Variants in FBN1 observed in about 807,000 individuals in gnomAD.
FBN1 encodes fibrillin-1.
A neutral mutation model predicts 365.1 loss-of-function variants in FBN1; 29 were observed. That is an observed-to-expected ratio of 0.08 (90% CI 0.06 to 0.11). FBN1 has a LOEUF of 0.11. Among genes scored for constraint, FBN1 ranks in the 10% least tolerant of loss-of-function variants. FBN1 has a pLI of 1.00. For missense variants in FBN1, 2,476 were observed against 3,703.2 expected (o/e 0.67, Z 8.60); for synonymous variants, 1,210 against 1,270.5 (o/e 0.95, Z 1.01).
chr15:48,585,005 A>G (rs1180021014), intron 6 of FBN1, among the ~76,000 whole-genome samples: 2 of 152,252 alleles, frequency 1.3e-5, no homozygotes, highest in Non-Finnish European at 2.9e-5. Context: ...CACGAGTCTT[A>G]GTTTAAAGAA....
At chr15:48,596,404 C>G in intron 5 of FBN1, 26 bp from the exon 6 acceptor site, 2 of 1,595,980 alleles carry the variant, frequency 1.3e-6, no homozygotes, top group Non-Finnish European at 1.7e-6. Flanking sequence ...AGAGCTGAGA[C>G]GCTTTACCTG....
intron 18 of FBN1, among the ~76,000 whole-genome samples, chr15:48,497,929 T>C (rs530592994): frequency 6.6e-6 from 1 of 152,366 alleles, no homozygotes; most frequent in Admixed American, 6.5e-5. Context: ...TCTATGAACA[T>C]ATAATGCCCT....
At chr15:48,491,628 G>C (rs1394789494) in intron 24 of FBN1, among the ~76,000 whole-genome samples, 2 of 152,032 alleles carry the variant, frequency 1.3e-5, no homozygotes, top group African/African-American at 2.4e-5. Flanking sequence ...TGGGATTACA[G>C]GCGTGAGCCA....
chr15:48,538,992 G>A (rs1351919365), intron 6 of FBN1, among the ~76,000 whole-genome samples: 2 of 152,192 alleles, frequency 1.3e-5, no homozygotes, highest in African/African-American at 4.8e-5. Context: ...TCGCAGACAT[G>A]CTATTTACTA....
chr15:48,572,281 G>A (rs2044312017), intron 6 of FBN1, among the ~76,000 whole-genome samples: 1 of 152,138 alleles, frequency 6.6e-6, no homozygotes, highest in African/African-American at 2.4e-5. Flanking sequence ...GATTCTCAAT[G>A]CTGAAACTAC....
chr15:48,470,403 A>T (rs925967816), intron 36 of FBN1, among the ~76,000 whole-genome samples: 3 of 152,218 alleles, frequency 2.0e-5, no homozygotes, highest in African/African-American at 7.2e-5. Flanking sequence ...TGTAGCCACA[A>T]ACTCAATTTC....
intron 6 of FBN1, among the ~76,000 whole-genome samples, chr15:48,555,710 T>C (rs2044174545): frequency 6.6e-6 from 1 of 152,162 alleles, no homozygotes; most frequent in Non-Finnish European, 1.5e-5. Flanking sequence ...AGACACTCAA[T>C]ATATCTTTCT....
Position 48,513,569 on chromosome 15 carries a change from A to C in FBN1, c.1568T>G (p.Leu523Arg). 1.2e-6 allele frequency: 2 copies of C among 1,613,980 alleles called. No individual in the cohort carries two copies. ...CATACCTCGGCATTCTGTCCGCGTG[A>C]GTGTGCTCTGATATCCAGCTCGGCA... ...CQCRAGYQST[L>R]TRTECRDIDE... Residue 523 changes from leucine (L) to arginine (R), a missense_variant, in exon 13 of 66, where the codon CTC (leucine) becomes CGC (arginine). Coordinates refer to ENST00000316623, the MANE Select transcript of FBN1 (RefSeq NM_000138.5).
Position 48,606,892 on chromosome 15 carries a change from T to A in FBN1, c.346+3836A>T, listed in dbSNP as rs183355948. Among the ~76,000 whole-genome samples the A allele has an allele frequency of 2.0e-5, 3 of 152,366 alleles. No homozygotes were observed. The East Asian group carries it at 5.8e-4, about 29-fold the overall frequency. On this transcript the variant is annotated intron_variant, in intron 4 of 65. Coordinates refer to ENST00000316623, the MANE Select transcript of FBN1 (RefSeq NM_000138.5). ...GTCATGAGGGCTTTGCCCTCATAAA[T>A]GGATTTATGCCATTATCTCAGGAGT...
chr15:48,515,773 C>T lies in FBN1; in HGVS notation c.1328-246G>A, dbSNP rs555359975. On this transcript the variant is annotated intron_variant, in intron 11 of 65. Coordinates refer to ENST00000316623, the MANE Select transcript of FBN1 (RefSeq NM_000138.5). ...TCTCTGCCCTCTTCACCACCTCACTCTCAAACCTCTAGTTTGCAGAAATAA... is the reference window on the plus strand; with the variant it reads ...TCTCTGCCCTCTTCACCACCTCACTTTCAAACCTCTAGTTTGCAGAAATAA... Among the ~76,000 whole-genome samples the T allele has an allele frequency of 9.2e-5, 14 of 152,300 alleles. No individual in the cohort carries two copies. The East Asian group carries it at 2.3e-3, about 25-fold the overall frequency.
chr15:48,541,134 T>A (rs2044054824), intron 6 of FBN1, among the ~76,000 whole-genome samples: 1 of 152,070 alleles, frequency 6.6e-6, no homozygotes. Flanking sequence ...TTAAGACTTT[T>A]CCAGGGTCAA....
intron 2 of FBN1, among the ~76,000 whole-genome samples, chr15:48,617,619 T>C (rs1889683223): frequency 6.6e-6 from 1 of 152,250 alleles, no homozygotes; most frequent in Non-Finnish European, 1.5e-5. Flanking sequence ...ACTTTCAATA[T>C]TGTGCTCTGT....
intron 32 of FBN1, among the ~76,000 whole-genome samples, chr15:48,476,925 G>T (rs2043424220): frequency 1.3e-5 from 2 of 151,812 alleles, no homozygotes; most frequent in South Asian, 4.2e-4. Context: ...ACTGCGCCCA[G>T]CTGAGCGCAT....
At chr15:48,568,225 T>C (rs187336519) in intron 6 of FBN1, among the ~76,000 whole-genome samples, 14 of 146,734 alleles carry the variant, frequency 9.5e-5, no homozygotes, top group African/African-American at 3.3e-4. Context: ...ATACTAACAA[T>C]GAACAATCAG....
chr15:48,558,303 C>T (rs1259052066), intron 6 of FBN1, among the ~76,000 whole-genome samples: 2 of 152,140 alleles, frequency 1.3e-5, no homozygotes, highest in East Asian at 1.9e-4. Context: ...ATTTTGAAAA[C>T]CATTTCAACT....
chr15:48,425,310 A>C, intron 60 of FBN1, 59 bp downstream of exon 60: 1 of 1,613,132 alleles, frequency 6.2e-7, no homozygotes, highest in Non-Finnish European at 8.5e-7. Context: ...TCTTACAGGC[A>C]AAGGAATGCA....
At chr15:48,421,505 G>T in intron 62 of FBN1, 53 bp downstream of exon 62, 1 of 1,600,166 alleles carries the variant, frequency 6.2e-7, no homozygotes, top group Non-Finnish European at 8.5e-7. Flanking sequence ...TAGCCACACA[G>T]GCCACCTCCA....
At chr15:48,598,333 T>C (rs887675678) in intron 5 of FBN1, among the ~76,000 whole-genome samples, 1 of 152,188 alleles carries the variant, frequency 6.6e-6, no homozygotes. Context: ...ATTAAATGAG[T>C]TAACACACAT....
rs1486551827 is a variant in FBN1 at position 48,414,890 on chromosome 15, C to T, written c.8051+646G>A. On this transcript the variant is annotated intron_variant, in intron 64 of 65. Coordinates refer to ENST00000316623, the MANE Select transcript of FBN1 (RefSeq NM_000138.5). Reference sequence around the variant, plus strand: ...CAGCCTGGGCGACAGAGCAAGACTCCGTCTAAAAAAAAAAAAAAAAGGCCT... The same window carrying T: ...CAGCCTGGGCGACAGAGCAAGACTCTGTCTAAAAAAAAAAAAAAAAGGCCT... 1.1e-4 allele frequency among the ~76,000 whole-genome samples: 8 copies of T among 71,616 alleles called. No homozygotes were observed. In the East Asian group the frequency reaches 2.3e-3, roughly 20 times the overall value. 47.0% of individuals were successfully genotyped at this position (71,616 alleles called of 152,430 possible). A position where few individuals can be genotyped will look rare whatever the true frequency, so the allele number is the denominator to read the frequency against.
Sources: allele counts gnomAD v4.1 joint callset (sites outside exome capture counted in the v4.1 genomes callset), GRCh38; gene constraint gnomAD v4.1.1; transcripts MANE v1.5; gene names NCBI Gene and HGNC (gene_info 2026-07-23, HGNC 2026-07-21).